Variants in COQ6 observed in about 807,000 individuals in gnomAD.
COQ6 encodes coenzyme Q6, monooxygenase.
A neutral mutation model predicts 55.5 loss-of-function variants in COQ6; 45 were observed. That is an observed-to-expected ratio of 0.81 (90% CI 0.64 to 1.04). The LOEUF is 1.04. Among genes scored for constraint, COQ6 ranks in the 50% least tolerant of loss-of-function variants. The pLI, the probability that COQ6 is intolerant of heterozygous loss-of-function variation, is 0.00. For synonymous variants in COQ6, 206 were observed against 230.5 expected, an observed-to-expected ratio of 0.89 and a Z score of 0.96; for missense variants, 550 against 601.3, an observed-to-expected ratio of 0.91 and a Z score of 0.89.
chr14:73,951,649 A>AT (rs35049412), intron 1 of COQ6, among the ~76,000 whole-genome samples: 18,464 of 135,624 alleles, frequency 0.14, 1,310 homozygotes, highest in Admixed American at 0.18. Flanking sequence ...TTTTTTTGTG[A>AT]TTTTTTTTTT....
Position 73,955,510 on chromosome 14 carries a change from G to A in COQ6, c.357+1G>A. The A allele has an allele frequency of 6.2e-7, 1 of 1,613,784 alleles. No homozygotes were observed. Among genetic ancestry groups the A allele is most frequent in the Non-Finnish European group, 8.5e-7 (1 of 1,179,682 alleles). ...ATACAGAGCCTTTCGGCGAATGCAG[G>A]TGCCCCTTTATCTTTTCAATTTTGT... On this transcript the variant is annotated splice_donor_variant, in intron 3 of 11. Coordinates refer to ENST00000334571, the MANE Select transcript of COQ6 (RefSeq NM_182476.3). LOFTEE classifies it high-confidence loss of function.
intron 2 of COQ6, among the ~76,000 whole-genome samples, chr14:73,954,449 C>A (rs1377806919): frequency 1.4e-5 from 2 of 147,452 alleles, no homozygotes; most frequent in East Asian, 1.9e-4. Context: ...AAAGAAAAAA[C>A]AAATGGTTTC....
chr14:73,960,650 C>T (rs1439164651), intron 8 of COQ6: 1 of 1,004,300 alleles, frequency 1.0e-6, no homozygotes, highest in African/African-American at 1.7e-5. Flanking sequence ...AGAACAGTCT[C>T]CGCTTTCAGG....
chr14:73,949,953 A>T, upstream of COQ6: 1 of 1,612,668 alleles, frequency 6.2e-7, no homozygotes, highest in Non-Finnish European at 8.5e-7. Context: ...TCCCGGGGGC[A>T]GTCTCTTTTC....
At chr14:73,954,934 G>GT (rs2056352585) in intron 2 of COQ6, among the ~76,000 whole-genome samples, 1 of 137,352 alleles carries the variant, frequency 7.3e-6, no homozygotes, top group African/African-American at 2.6e-5. Flanking sequence ...TGGAAGCTGA[G>GT]TCTTTTTTTT....
At chr14:73,955,237 G>A (rs926468799) in intron 2 of COQ6, 2 of 599,870 alleles carry the variant, frequency 3.3e-6, no homozygotes, top group African/African-American at 3.7e-5. Flanking sequence ...ACAGGCATGA[G>A]CCACCGCGCC....
intron 8 of COQ6, 131 bp from the exon 9 acceptor site, chr14:73,961,042 G>A: frequency 9.6e-7 from 1 of 1,047,102 alleles, no homozygotes; most frequent in Non-Finnish European, 1.4e-6. Context: ...CTTATCACTT[G>A]TCAAGATCAG....
intron 4 of COQ6, chr14:73,956,192 G>A: frequency 2.1e-5 from 8 of 385,806 alleles, no homozygotes; most frequent in South Asian, 1.7e-4. Flanking sequence ...GCCAGGCATG[G>A]TGGCGGGCGC....
chr14:73,950,852 T>G (rs112218167), intron 1 of COQ6, among the ~76,000 whole-genome samples: 11,061 of 152,344 alleles, frequency 0.073, 538 homozygotes, highest in Non-Finnish European at 0.11. Context: ...CTCCAGGTTT[T>G]GACTTGTATT....
rs1230850755 is a variant in COQ6 at position 73,961,387 on chromosome 14, AC to A, written c.1094+13del. ...GTGGCGCTCATTGGGTAAGACGATAACAGAGCAGGGCCACTCCCTTCTCACT... is the reference window on the plus strand; with the variant it reads ...GTGGCGCTCATTGGGTAAGACGATAAAGAGCAGGGCCACTCCCTTCTCACT... On this transcript the variant is annotated intron_variant, in intron 9 of 11. Coordinates refer to ENST00000334571, the MANE Select transcript of COQ6 (RefSeq NM_182476.3). 3 of 1,614,050 alleles carry A rather than the reference AC, an allele frequency of 1.9e-6. No individual in the cohort carries two copies. Among genetic ancestry groups the A allele is most frequent in the African/African-American group, 1.3e-5 (1 of 74,932 alleles).
At chr14:73,954,908 T>G (rs563339894) in intron 2 of COQ6, among the ~76,000 whole-genome samples, 1 of 151,236 alleles carries the variant, frequency 6.6e-6, no homozygotes, top group East Asian at 1.9e-4. Flanking sequence ...CTTTATGTGA[T>G]TTGACCTTTT....
chr14:73,954,936 CTTTTTTTTTTTTATTTTAT>C (rs1408108766), intron 2 of COQ6, among the ~76,000 whole-genome samples: 3 of 126,180 alleles, frequency 2.4e-5, no homozygotes. Context: ...GAAGCTGAGT[CTTTTTTTTTTTTATTTTAT>C]TTTTTTTTTT....
upstream of COQ6, chr14:73,950,110 A>C (rs756334924): frequency 6.2e-7 from 1 of 1,601,822 alleles, no homozygotes; most frequent in Non-Finnish European, 8.5e-7. Context: ...GCCAGGGTCC[A>C]CCCCTTTCTA....
rs1472293273 is a variant in COQ6 at position 73,954,964 on chromosome 14, T to A, written c.299-487T>A. ...TTTTTTTTTTATTTTATTTTTTTTT[T>A]TTTTTGAGACGGAGTCTCGCTCTGT... On this transcript the variant is annotated intron_variant, in intron 2 of 11. Transcript: ENST00000334571. Among the ~76,000 whole-genome samples the A allele has an allele frequency of 1.4e-4, 20 of 145,606 alleles. 1 individual carries two copies. The highest frequency in any genetic ancestry group is 8.9e-4 in the Admixed American group (13 of 14,660).
chr14:73,956,146 A>G (rs990764219), intron 4 of COQ6: 1 of 482,582 alleles, frequency 2.1e-6, no homozygotes, highest in Non-Finnish European at 3.8e-6. Flanking sequence ...AACATGGTGA[A>G]ACCCTGTCTC....
chr14:73,959,061 A>T lies in COQ6; in HGVS notation c.703A>T (p.Thr235Ser). The change falls in exon 6 of 12, where the codon ACT becomes TCT. Residue 235 changes from threonine (T) to serine (S), a missense_variant. Physicochemically the swap from Thr to Ser is moderately conservative, Grantham distance 58 (BLOSUM62 1). Transcript: ENST00000334571. ...WNYDQSAVVA[T>S]LHLSEATENN... ...CTATGACCAGTCTGCTGTTGTGGCT[A>T]CTCTGCATTTATCAGAGGTAAGATC... The T allele has an allele frequency of 6.2e-7, 1 of 1,614,004 alleles. No homozygotes were observed. Among genetic ancestry groups the T allele is most frequent in the Non-Finnish European group, 8.5e-7 (1 of 1,180,004 alleles).
At chr14:73,960,001 A>G (rs1000904500) in intron 8 of COQ6, 27 of 1,033,478 alleles carry the variant, frequency 2.6e-5, no homozygotes, top group African/African-American at 5.2e-5. Flanking sequence ...GAAATAATAA[A>G]TAATAACCTT....
chr14:73,961,776 A>G lies in COQ6; in HGVS notation c.1250A>G (p.Gln417Arg). 4 of 1,614,190 alleles carry G rather than the reference A, an allele frequency of 2.5e-6. No homozygotes were observed. The highest frequency in any genetic ancestry group is 1.3e-5 in the African/African-American group (1 of 75,042). Residue 417 changes from glutamine to arginine, a missense_variant, in exon 11 of 12, where the codon CAG (glutamine) becomes CGG (arginine). Coordinates refer to ENST00000334571, the MANE Select transcript of COQ6 (RefSeq NM_182476.3). ...SHLTGYETER[Q>R]RHNTALLAAT... The stretch of plus-strand genomic sequence containing the variant: ...CTCACAGGTTATGAAACAGAAAGAC[A>G]GCGTCACAACACTGCTCTTCTGGCT...
At chr14:73,956,851 A>G (rs2056459981) in intron 4 of COQ6, 1 of 152,180 alleles carries the variant, frequency 6.6e-6, no homozygotes, top group African/African-American at 2.4e-5. Context: ...TAGTTCATGC[A>G]GTGAACCATG....
Sources: allele counts gnomAD v4.1 joint callset (sites outside exome capture counted in the v4.1 genomes callset), GRCh38; gene constraint gnomAD v4.1.1; transcripts MANE v1.5; gene names NCBI Gene and HGNC (gene_info 2026-07-23, HGNC 2026-07-21).